The following MRTFB variants were observed in gnomAD, a reference collection of about 807,000 sequenced individuals.
The protein encoded by MRTFB is myocardin related transcription factor B.
Under a neutral mutation model 104.2 loss-of-function variants are expected in MRTFB, and 29 were observed. That is an observed-to-expected ratio of 0.28 (90% CI 0.21 to 0.38). The LOEUF is 0.38. Among genes scored for constraint, MRTFB ranks in the 10% least tolerant of loss-of-function variants. MRTFB has a pLI of 1.00. For missense variants in MRTFB, 1,270 were observed against 1,341.6 expected, an observed-to-expected ratio of 0.95 and a Z score of 0.83; for synonymous variants, 535 against 519.5, an observed-to-expected ratio of 1.03 and a Z score of -0.41.
At chr16:14,089,008 G>A (rs1351987155) in intron 2 of MRTFB, among the ~76,000 whole-genome samples, 3 of 152,006 alleles carry the variant, frequency 2.0e-5, no homozygotes, top group African/African-American at 4.8e-5. Context: ...GGATTTATTG[G>A]TAGGAAAATA....
At chr16:14,210,371 G>C in intron 4 of MRTFB, 63 bp downstream of exon 4, 1 of 1,264,340 alleles carries the variant, frequency 7.9e-7, no homozygotes. Flanking sequence ...TGTCCAAGAA[G>C]AGCCTGCATC....
chr16:14,024,570 G>GAATT, the MRTFB span, among the ~76,000 whole-genome samples: 17 of 152,254 alleles, frequency 1.1e-4, no homozygotes, highest in East Asian at 3.3e-3. Context: ...AAATGCCTTA[G>GAATT]AATTGCATTG....
At chr16:14,082,395 A>G (rs1001969318) in intron 2 of MRTFB, among the ~76,000 whole-genome samples, 6 of 152,128 alleles carry the variant, frequency 3.9e-5, no homozygotes, top group Admixed American at 6.5e-5. Context: ...CCATTCGTCT[A>G]TGTGTCTGTA....
the MRTFB span, among the ~76,000 whole-genome samples, chr16:14,040,166 A>C: frequency 6.6e-6 from 1 of 152,272 alleles, no homozygotes; most frequent in Non-Finnish European, 1.5e-5. Context: ...TTTTAACATT[A>C]CTTTCAATGG....
At chr16:14,153,442 T>C (rs2038711537) in intron 3 of MRTFB, among the ~76,000 whole-genome samples, 1 of 152,248 alleles carries the variant, frequency 6.6e-6, no homozygotes, top group Non-Finnish European at 1.5e-5. Context: ...TCTGGTTGCA[T>C]ACTTTTGTAC....
chr16:14,258,076 TA>T (rs1188387996), intron 15 of MRTFB, 24 bp from the exon 16 acceptor site: 1 of 1,606,848 alleles, frequency 6.2e-7, no homozygotes, highest in African/African-American at 1.3e-5. Context: ...GAAAGAAACC[TA>T]ATTTGTACTC....
chr16:14,066,681 G>GT (rs959490742), upstream of MRTFB, among the ~76,000 whole-genome samples: 5 of 149,828 alleles, frequency 3.3e-5, no homozygotes, highest in African/African-American at 1.2e-4. Context: ...CTGTGTTTTT[G>GT]TTTTTTATAG....
At chr16:14,179,264 C>A (rs2039688667) in intron 3 of MRTFB, among the ~76,000 whole-genome samples, 1 of 152,174 alleles carries the variant, frequency 6.6e-6, no homozygotes, top group Non-Finnish European at 1.5e-5. Context: ...TGACAGTGGT[C>A]CTCACTGCTC....
chr16:14,246,800 A>C lies in MRTFB; in HGVS notation c.1540A>C (p.Ser514Arg), dbSNP rs776172285. Residue 514 changes from serine (S) to arginine (R), a missense_variant, in exon 12 of 17, where the codon AGT (serine) becomes CGT (arginine). Physicochemically the swap from Ser to Arg is moderately radical, Grantham distance 110 (BLOSUM62 -1). This residue lies in a region of MRTFB where 1,144 missense variants were observed against 1,131.5 expected (regional missense o/e 1.01). Coordinates refer to ENST00000571589, the MANE Select transcript of MRTFB (RefSeq NM_001308142.2). Reference protein sequence around the residue: ...PISPSPSEQSSLSTDDTNMAD... With the variant: ...PISPSPSEQSRLSTDDTNMAD... ...TTCACCATCTCCCTCCGAACAGTCC[A>C]GTCTCAGTACTGATGACACAAACAT... 5.0e-6 allele frequency: 8 copies of C among 1,613,580 alleles called. No individual in the cohort carries two copies. In the South Asian group the frequency reaches 6.6e-5, roughly 13 times the overall value.
At chr16:13,998,325 T>A in the MRTFB span, among the ~76,000 whole-genome samples, 1 of 152,062 alleles carries the variant, frequency 6.6e-6, no homozygotes, top group Non-Finnish European at 1.5e-5. Flanking sequence ...CTGGGATTCT[T>A]AGAACTTAGA....
At chr16:14,022,894 G>T in the MRTFB span, among the ~76,000 whole-genome samples, 3 of 151,742 alleles carry the variant, frequency 2.0e-5, no homozygotes, top group South Asian at 6.3e-4. Flanking sequence ...GTGAGGTTTC[G>T]CCATGTTGAC....
chr16:14,054,297 A>C, the MRTFB span, among the ~76,000 whole-genome samples: 1 of 151,842 alleles, frequency 6.6e-6, no homozygotes, highest in South Asian at 2.1e-4. Context: ...GCTCACTGCA[A>C]CCTCTGCCTC....
At chr16:14,076,213 A>G (rs1174719676) in intron 1 of MRTFB, among the ~76,000 whole-genome samples, 1 of 151,638 alleles carries the variant, frequency 6.6e-6, no homozygotes, top group Non-Finnish European at 1.5e-5. Flanking sequence ...TTTTTTTGAG[A>G]CAGAATCTCA....
At chr16:14,076,578 G>A (rs1304026408) in intron 1 of MRTFB, among the ~76,000 whole-genome samples, 1 of 152,186 alleles carries the variant, frequency 6.6e-6, no homozygotes, top group Non-Finnish European at 1.5e-5. Context: ...GTTGTTTCCA[G>A]TCTGAGACTC....
chr16:14,022,391 A>T, the MRTFB span, among the ~76,000 whole-genome samples: 1 of 152,306 alleles, frequency 6.6e-6, no homozygotes, highest in Non-Finnish European at 1.5e-5. Context: ...ATAAAATTGT[A>T]TATGCAAAAA....
chr16:14,081,396 G>A (rs950318564), intron 2 of MRTFB, among the ~76,000 whole-genome samples: 2 of 150,950 alleles, frequency 1.3e-5, no homozygotes, highest in African/African-American at 2.4e-5. Context: ...GGATTCAAGC[G>A]ATTCTCCTGC....
the MRTFB span, among the ~76,000 whole-genome samples, chr16:14,057,472 T>G: frequency 1.3e-5 from 2 of 152,130 alleles, no homozygotes; most frequent in Non-Finnish European, 1.5e-5. Flanking sequence ...CCATCTTTAT[T>G]TTCCTTTTCA....
chr16:14,172,234 C>A (rs1052431965), intron 3 of MRTFB, among the ~76,000 whole-genome samples: 2 of 152,118 alleles, frequency 1.3e-5, no homozygotes, highest in Non-Finnish European at 2.9e-5. Flanking sequence ...GCCTCCCCCC[C>A]ACAAACAAGC....
At chr16:14,186,623 G>T (rs2039962466) in intron 3 of MRTFB, 2 of 1,052,508 alleles carry the variant, frequency 1.9e-6, no homozygotes, top group South Asian at 2.1e-5. Flanking sequence ...GGGAAAGGGG[G>T]CTGGCTGGGA....
Sources: allele counts gnomAD v4.1 joint callset (sites outside exome capture counted in the v4.1 genomes callset), GRCh38; gene constraint gnomAD v4.1.1; regional missense constraint gnomAD v4.1.1; transcripts MANE v1.5; gene names NCBI Gene and HGNC (gene_info 2026-07-23, HGNC 2026-07-21).